Variants in RBFOX1 observed in about 807,000 individuals in gnomAD.
The protein encoded by RBFOX1 is RNA binding fox-1 homolog 1.
RBFOX1 carries 8 observed loss-of-function variants against 57.7 expected under a neutral mutation model. The ratio of observed to expected loss-of-function variants is 0.14; its 90% CI spans 0.08 to 0.25. RBFOX1 has a LOEUF of 0.25. Among genes scored for constraint, RBFOX1 ranks in the 10% least tolerant of loss-of-function variants. The probability of loss-of-function intolerance (pLI) is 1.00; values close to 1 mark genes in which losing one functional copy is unlikely to be tolerated. For missense variants in RBFOX1, 611 were observed against 548.5 expected (o/e 1.11, Z -1.14); for synonymous variants, 326 against 222.4 (o/e 1.47, Z -4.15).
intron 1 of RBFOX1, among the ~76,000 whole-genome samples, chr16:5,379,836 T>G (rs1038602357): frequency 6.6e-6 from 1 of 152,218 alleles, no homozygotes; most frequent in African/African-American, 2.4e-5. Context: ...AGGGTTTTGA[T>G]AGTACCCAAG....
chr16:6,160,057 C>T (rs1032600549), intron 1 of RBFOX1, among the ~76,000 whole-genome samples: 29 of 152,074 alleles, frequency 1.9e-4, no homozygotes, highest in African/African-American at 5.6e-4. Context: ...GATGCTTATG[C>T]CTTATTGAGG....
chr16:6,409,632 G>A (rs1230114197), intron 2 of RBFOX1, among the ~76,000 whole-genome samples: 1 of 152,088 alleles, frequency 6.6e-6, no homozygotes, highest in Admixed American at 6.5e-5. Flanking sequence ...AAAAAGGAAA[G>A]AACCTGAATG....
intron 4 of RBFOX1, among the ~76,000 whole-genome samples, chr16:7,482,154 A>G (rs1006587370): frequency 1.3e-5 from 2 of 152,222 alleles, no homozygotes; most frequent in African/African-American, 2.4e-5. Context: ...ATTTTGTAGC[A>G]TCTATTCCAT....
chr16:6,161,281 C>G (rs1422133376), intron 1 of RBFOX1, among the ~76,000 whole-genome samples: 1 of 151,656 alleles, frequency 6.6e-6, no homozygotes, highest in Non-Finnish European at 1.5e-5. Flanking sequence ...CCCAGCTACT[C>G]AGGGGGCTAA....
intron 3 of RBFOX1, among the ~76,000 whole-genome samples, chr16:6,803,095 C>G (rs531927228): frequency 2.6e-5 from 4 of 152,136 alleles, no homozygotes. Flanking sequence ...CCCCATCACC[C>G]ACTCTGCAGA....
intron 2 of RBFOX1, among the ~76,000 whole-genome samples, chr16:6,380,157 G>A (rs1016422652): frequency 5.3e-5 from 8 of 152,122 alleles, no homozygotes; most frequent in Non-Finnish European, 1.0e-4. Context: ...AAAGTAGACA[G>A]TTGCTTTAAA....
At chr16:5,602,064 A>C (rs930692138), downstream of RBFOX1, among the ~76,000 whole-genome samples, 3 of 152,122 alleles carry the variant, frequency 2.0e-5, no homozygotes, top group Admixed American at 2.0e-4. Context: ...CTGCTCCTCC[A>C]TCTCCACCCT....
At chr16:6,836,041 G>C (rs1366645425) in intron 3 of RBFOX1, among the ~76,000 whole-genome samples, 4 of 152,180 alleles carry the variant, frequency 2.6e-5, no homozygotes, top group Admixed American at 1.3e-4. Context: ...GAGGAGAAAA[G>C]AAACCTACTG....
chr16:6,474,922 G>A (rs1230964838), intron 2 of RBFOX1, among the ~76,000 whole-genome samples: 1 of 152,176 alleles, frequency 6.6e-6, no homozygotes, highest in Non-Finnish European at 1.5e-5. Context: ...TTAACATAAA[G>A]AGAAAGTGTG....
chr16:6,442,546 C>T lies in RBFOX1; in HGVS notation c.-64+125489C>T, dbSNP rs551424294. Among the ~76,000 whole-genome samples the T allele has an allele frequency of 6.7e-5, 10 of 148,502 alleles. No homozygotes were observed. In the South Asian group the frequency reaches 1.9e-3, roughly 29 times the overall value. The stretch of plus-strand genomic sequence containing the variant: ...CACTCCAGCCTGGGAGAAAGCAAGC[C>T]TCAGAAAATAAAAAAAAAAGAAAAG... On this transcript the variant is annotated intron_variant, in intron 2 of 15. Transcript: ENST00000550418.
intron 4 of RBFOX1, among the ~76,000 whole-genome samples, chr16:7,201,307 G>A (rs1050045386): frequency 6.6e-6 from 1 of 152,174 alleles, no homozygotes; most frequent in Non-Finnish European, 1.5e-5. Flanking sequence ...TAGAAGAGGT[G>A]AAGTCACCAG....
At chr16:5,387,610 G>A (rs149661490) in intron 1 of RBFOX1, among the ~76,000 whole-genome samples, 416 of 152,282 alleles carry the variant, frequency 2.7e-3, no homozygotes, top group East Asian at 5.4e-3. Flanking sequence ...ATAATCTCAC[G>A]GCCACACCTA....
intron 4 of RBFOX1, among the ~76,000 whole-genome samples, chr16:7,286,338 C>G (rs1568037479): frequency 6.6e-6 from 1 of 152,038 alleles, no homozygotes; most frequent in Non-Finnish European, 1.5e-5. Context: ...TTGCAGGATC[C>G]CAAGGGTCTA....
intron 1 of RBFOX1, among the ~76,000 whole-genome samples, chr16:6,266,763 C>A (rs1447253394): frequency 6.6e-6 from 1 of 151,754 alleles, no homozygotes; most frequent in African/African-American, 2.4e-5. Flanking sequence ...ATAACAGAAT[C>A]CTAGAAGAAC....
chr16:6,217,900 G>A (rs532908007), intron 1 of RBFOX1, among the ~76,000 whole-genome samples: 102 of 152,210 alleles, frequency 6.7e-4, no homozygotes, highest in African/African-American at 2.1e-3. Flanking sequence ...TTGTTAATCC[G>A]AGCTACTCAG....
At chr16:6,456,337 C>G (rs1265804178) in intron 2 of RBFOX1, among the ~76,000 whole-genome samples, 2 of 152,084 alleles carry the variant, frequency 1.3e-5, no homozygotes, top group African/African-American at 4.8e-5. Flanking sequence ...ATATGGGTGT[C>G]TCACCCTGTC....
intron 4 of RBFOX1, among the ~76,000 whole-genome samples, chr16:7,105,832 G>C (rs1020228587): frequency 5.3e-5 from 8 of 152,146 alleles, no homozygotes; most frequent in African/African-American, 1.9e-4. Flanking sequence ...CCACTCATTT[G>C]ATTGATGGGC....
chr16:6,125,843 A>G (rs2096585694), intron 1 of RBFOX1, among the ~76,000 whole-genome samples: 1 of 152,120 alleles, frequency 6.6e-6, no homozygotes, highest in African/African-American at 2.4e-5. Context: ...AGATGTACAA[A>G]CCTTCCTACT....
At chr16:6,071,279 C>T (rs937895222) in intron 1 of RBFOX1, among the ~76,000 whole-genome samples, 3 of 152,194 alleles carry the variant, frequency 2.0e-5, no homozygotes, top group Non-Finnish European at 2.9e-5. Flanking sequence ...TGAGATTGCA[C>T]CATTGCACTC....
Sources: allele counts gnomAD v4.1 joint callset (sites outside exome capture counted in the v4.1 genomes callset), GRCh38; gene constraint gnomAD v4.1.1; transcripts MANE v1.5; gene names NCBI Gene and HGNC (gene_info 2026-07-23, HGNC 2026-07-21).